Variants in IL36G observed in about 807,000 individuals in gnomAD.
IL36G encodes interleukin-36 gamma.
IL36G carries 10 observed loss-of-function variants against 13.5 expected under a neutral mutation model. The observed-to-expected ratio is 0.74, with a 90% CI of 0.46 to 1.26. The LOEUF (loss-of-function observed/expected upper bound fraction) is 1.26. IL36G is among the 50% of genes most tolerant of loss of function. IL36G has a pLI of 0.00. For synonymous variants in IL36G, 84 were observed against 74.0 expected (o/e 1.13, Z -0.69); for missense variants, 199 against 203.0 (o/e 0.98, Z 0.12).
chr2:112,983,078 G>A (rs1684294978), intron 4 of IL36G, among the ~76,000 whole-genome samples: 1 of 152,176 alleles, frequency 6.6e-6, no homozygotes, highest in Admixed American at 6.5e-5. Flanking sequence ...TAAGTTGCAA[G>A]TGCAGATAGG....
Position 112,979,836 on chromosome 2 carries a change from T to TATGAATGAATGAATGA in IL36G, c.161-162_161-147dup, listed in dbSNP as rs3075080. 3.0e-3 allele frequency among the ~76,000 whole-genome samples: 457 copies of TATGAATGAATGAATGA among 151,540 alleles called. 5 individuals carry two copies. The highest frequency in any genetic ancestry group is 0.01 in the African/African-American group (427 of 41,452). On this transcript the variant is annotated intron_variant, in intron 3 of 4. Transcript: ENST00000259205. ...TACTAGGGCAGTGATTGGCACATGGTATGAATGAATGAATGAATGAATGAA... is the reference window on the plus strand; with the variant it reads ...TACTAGGGCAGTGATTGGCACATGGTATGAATGAATGAATGAATGAATGAATGAATGAATGAATGAA...
Position 112,985,052 on chromosome 2 carries a change from T to C in IL36G, c.*3T>C. ...TTGAATTAAATATAAATGACTGAAC[T>C]CAGCCTAGAGGTGGCAGCTTGGTCT... On this transcript the variant is annotated 3_prime_UTR_variant, in exon 5 of 5. Transcript: ENST00000259205. 1 of 1,607,576 alleles carries C rather than the reference T, an allele frequency of 6.2e-7. No homozygotes were observed. The highest frequency in any genetic ancestry group is 8.5e-7 in the Non-Finnish European group (1 of 1,174,608).
intron 4 of IL36G, chr2:112,981,193 C>A: frequency 8.1e-7 from 1 of 1,235,722 alleles, no homozygotes; most frequent in Non-Finnish European, 1.2e-6. Context: ...CTTCAGCTTT[C>A]TGTGCCTTCC....
chr2:112,981,134 A>C, intron 4 of IL36G: 1 of 978,858 alleles, frequency 1.0e-6, no homozygotes, highest in Non-Finnish European at 1.6e-6. Flanking sequence ...AGTCACCAGA[A>C]GTACACAGTT....
chr2:112,982,041 T>A (rs1377935096), intron 4 of IL36G, among the ~76,000 whole-genome samples: 1 of 152,314 alleles, frequency 6.6e-6, no homozygotes, highest in Admixed American at 6.5e-5. Context: ...CCTGACCATG[T>A]GGGGCTTGGA....
intron 1 of IL36G, 111 bp from the exon 2 acceptor site, chr2:112,978,509 C>A: frequency 2.4e-6 from 2 of 826,130 alleles, no homozygotes; most frequent in South Asian, 1.5e-5. Flanking sequence ...AGCTTCGTGT[C>A]AGGCCAGGTT....
chr2:112,984,960 G>T lies in IL36G; in HGVS notation c.421G>T (p.Ala141Ser). The change falls in exon 5 of 5, where the codon GCC (alanine) becomes TCC (serine). Residue 141 changes from alanine (A) to serine (S), a missense_variant. Transcript: ENST00000259205. ...TGTGGCCTTCCCGGACTGGTTCATTGCCTCCTCCAAGAGAGACCAGCCCAT... is the reference window on the plus strand; with the variant it reads ...TGTGGCCTTCCCGGACTGGTTCATTTCCTCCTCCAAGAGAGACCAGCCCAT... ...ESVAFPDWFI[A>S]SSKRDQPIIL... The T allele has an allele frequency of 1.2e-6, 2 of 1,614,004 alleles. No individual in the cohort carries two copies. Among genetic ancestry groups the T allele is most frequent in the South Asian group, 1.1e-5 (1 of 91,076 alleles).
intron 4 of IL36G, 71 bp downstream of exon 4, chr2:112,980,219 A>G: frequency 7.6e-7 from 1 of 1,313,042 alleles, no homozygotes; most frequent in Non-Finnish European, 1.1e-6. Context: ...CTAATTTTAG[A>G]ATTAAAAAAG....
chr2:112,983,732 C>T (rs376602928), intron 4 of IL36G, among the ~76,000 whole-genome samples: 16 of 152,012 alleles, frequency 1.1e-4, no homozygotes, highest in Middle Eastern at 3.4e-3. Context: ...TGGGCTTTGC[C>T]GAGGAGTTTC....
rs1370717444 is a variant in IL36G at position 112,984,873 on chromosome 2, G to A, written c.334G>A (p.Glu112Lys). The change falls in exon 5 of 5, where the codon GAG (glutamate) becomes AAG (lysine). Residue 112 changes from glutamate (E) to lysine (K), a missense_variant. Glu to Lys is a moderately conservative substitution (Grantham distance 56). Transcript: ENST00000259205. Reference sequence around the variant, plus strand: ...GATCATGGATCTGTATGGCCAACCCGAGCCCGTGAAACCCTTCCTTTTCTA... The same window carrying A: ...GATCATGGATCTGTATGGCCAACCCAAGCCCGTGAAACCCTTCCTTTTCTA... ...QKIMDLYGQPEPVKPFLFYRA... is the reference protein window; with the variant it reads ...QKIMDLYGQPKPVKPFLFYRA... 4.3e-6 allele frequency: 7 copies of A among 1,613,948 alleles called. No individual in the cohort carries two copies. Among genetic ancestry groups the A allele is most frequent in the Admixed American group, 3.3e-5 (2 of 59,976 alleles).
Position 112,985,216 on chromosome 2 carries a change from A to G in IL36G, c.*167A>G, listed in dbSNP as rs1684330787. The G allele has an allele frequency of 1.7e-6, 1 of 601,488 alleles. No homozygotes were observed. Among genetic ancestry groups the G allele is most frequent in the South Asian group, 2.0e-5 (1 of 49,734 alleles). The allele number at this position is 601,488 out of a possible 1,614,324, so 37.3% of individuals were successfully genotyped here. A position where few individuals can be genotyped will look rare whatever the true frequency, so the allele number is the denominator to read the frequency against. ...AAGAAGAAGCAATTACTTCATAGCA[A>G]CTGAAGAACAGGATGTGGCCTCAGA... On this transcript the variant is annotated 3_prime_UTR_variant, in exon 5 of 5. Transcript: ENST00000259205.
Position 112,980,037 on chromosome 2 carries a change from T to C in IL36G, c.189T>C (p.Tyr63=). Residue 63 remains tyrosine, a synonymous_variant, in exon 4 of 5, where the codon TAT becomes TAC. Transcript: ENST00000259205. Reference sequence around the variant, plus strand: ...CTGTTGCTGTTATCACATGCAAGTATCCAGAGGCTCTTGAGCAAGGCAGAG... The same window carrying C: ...CTGTTGCTGTTATCACATGCAAGTACCCAGAGGCTCTTGAGCAAGGCAGAG... ...PVTVAVITCK[Y]PEALEQGRGD... The C allele has an allele frequency of 6.2e-7, 1 of 1,613,906 alleles. No individual in the cohort carries two copies. The highest frequency in any genetic ancestry group is 1.3e-5 in the African/African-American group (1 of 75,048).
intron 2 of IL36G, 44 bp downstream of exon 2, chr2:112,978,737 C>G (rs367945118): frequency 1.3e-6 from 2 of 1,575,458 alleles, no homozygotes; most frequent in Non-Finnish European, 1.7e-6. Context: ...GGCTTAGGCC[C>G]TCTGCACTCA....
intron 4 of IL36G, among the ~76,000 whole-genome samples, chr2:112,980,658 G>A (rs1038219235): frequency 1.3e-5 from 2 of 152,236 alleles, no homozygotes; most frequent in Admixed American, 6.5e-5. Flanking sequence ...GAAGATCCAC[G>A]ATCTAGAAAC....
chr2:112,981,418 G>T, intron 4 of IL36G: 1 of 712,972 alleles, frequency 1.4e-6, no homozygotes, highest in Non-Finnish European at 2.6e-6. Context: ...ATCCCCTTCA[G>T]CCTTTCTCCT....
chr2:112,983,262 A>G (rs1684298794), intron 4 of IL36G, among the ~76,000 whole-genome samples: 1 of 152,166 alleles, frequency 6.6e-6, no homozygotes, highest in Non-Finnish European at 1.5e-5. Context: ...AGGAGGAAGC[A>G]TTCTTCCATT....
At chr2:112,979,511 T>C (rs1684225664) in intron 3 of IL36G, among the ~76,000 whole-genome samples, 186 bp downstream of exon 3, 1 of 152,172 alleles carries the variant, frequency 6.6e-6, no homozygotes, top group Non-Finnish European at 1.5e-5. Flanking sequence ...CCAGAGATGG[T>C]GGAGGAGCCT....
At chr2:112,984,110 AG>A (rs1414781912) in intron 4 of IL36G, among the ~76,000 whole-genome samples, 1 of 152,252 alleles carries the variant, frequency 6.6e-6, no homozygotes, top group African/African-American at 2.4e-5. Flanking sequence ...AATTGAGTAA[AG>A]GAATCCTGTG....
At chr2:112,980,937 C>G (rs1481342979) in intron 4 of IL36G, among the ~76,000 whole-genome samples, 1 of 152,230 alleles carries the variant, frequency 6.6e-6, no homozygotes, top group East Asian at 1.9e-4. Flanking sequence ...TCTCTCAAAA[C>G]TAGAAGGGAA....
Sources: gnomAD v4.1 joint callset for allele counts (sites outside exome capture counted in the v4.1 genomes callset) on GRCh38, gnomAD v4.1.1 for gene constraint, MANE v1.5 for transcripts, NCBI Gene and HGNC (gene_info 2026-07-23, HGNC 2026-07-21) for gene names.